The following TOM1 variants were observed in gnomAD, a reference collection of about 807,000 sequenced individuals.
The protein encoded by TOM1 is target of myb1 membrane trafficking protein.
Under a neutral mutation model 61.3 loss-of-function variants are expected in TOM1, and 38 were observed. The ratio of observed to expected loss-of-function variants is 0.62; its 90% CI spans 0.48 to 0.81. TOM1 has a LOEUF of 0.81. TOM1 is among the 40% of genes least tolerant of loss of function. The pLI, the probability that TOM1 is intolerant of heterozygous loss-of-function variation, is 0.00. For synonymous variants in TOM1, 270 were observed against 268.8 expected (o/e 1.00, Z -0.04); for missense variants, 591 against 659.6 (o/e 0.90, Z 1.14).
intron 1 of TOM1, among the ~76,000 whole-genome samples, chr22:35,310,425 C>T (rs1345659756): frequency 1.3e-5 from 2 of 152,146 alleles, no homozygotes; most frequent in African/African-American, 2.4e-5. Flanking sequence ...TGGTGGCACA[C>T]GCCTGTAGTC....
intron 7 of TOM1, among the ~76,000 whole-genome samples, chr22:35,328,402 T>C (rs1183502483): frequency 6.6e-6 from 1 of 152,250 alleles, no homozygotes; most frequent in African/African-American, 2.4e-5. Context: ...TCCCGGGCTA[T>C]ATGTGGACAC....
chr22:35,307,932 G>A (rs192303036), intron 1 of TOM1, among the ~76,000 whole-genome samples: 36 of 152,324 alleles, frequency 2.4e-4, no homozygotes, highest in African/African-American at 8.2e-4. Context: ...TTCTGTGAAC[G>A]TATGCCTTAG....
chr22:35,338,876 CA>C, intron 12 of TOM1, 88 bp downstream of exon 12: 5 of 1,259,488 alleles, frequency 4.0e-6, no homozygotes, highest in Non-Finnish European at 5.3e-6. Context: ...GTGGGCCAAG[CA>C]CTGGCCCAGC....
intron 1 of TOM1, among the ~76,000 whole-genome samples, chr22:35,307,623 T>TGCC (rs1926438294): frequency 6.6e-6 from 1 of 152,076 alleles, no homozygotes; most frequent in Non-Finnish European, 1.5e-5. Context: ...AGAACCACTG[T>TGCC]GCAAGCCCTG....
At chr22:35,333,127 C>G in intron 9 of TOM1, 113 bp downstream of exon 9, 1 of 1,209,008 alleles carries the variant, frequency 8.3e-7, no homozygotes, top group East Asian at 2.3e-5. Flanking sequence ...CTTATCCAGG[C>G]CCATAGAGAA....
intron 2 of TOM1, 87 bp downstream of exon 2, chr22:35,318,048 C>G (rs1927461916): frequency 4.1e-6 from 5 of 1,229,450 alleles, no homozygotes; most frequent in Non-Finnish European, 6.0e-6. Context: ...GAGCCCCTGC[C>G]CCAGCCCCAT....
intron 1 of TOM1, among the ~76,000 whole-genome samples, chr22:35,309,622 C>G (rs1028449291): frequency 1.1e-4 from 15 of 130,682 alleles, no homozygotes; most frequent in African/African-American, 3.6e-4. Flanking sequence ...CCAGCCTGGG[C>G]AACAGAGTGA....
At chr22:35,336,396 A>G (rs1375502044) in intron 11 of TOM1, among the ~76,000 whole-genome samples, 1 of 151,896 alleles carries the variant, frequency 6.6e-6, no homozygotes, top group African/African-American at 2.4e-5. Context: ...TCCCCACTTC[A>G]CACCAGCCTG....
chr22:35,343,875 ACACT>A (rs1425573674), intron 12 of TOM1, among the ~76,000 whole-genome samples: 1 of 134,356 alleles, frequency 7.4e-6, no homozygotes, highest in Non-Finnish European at 1.6e-5. Flanking sequence ...CCACCCCTAC[ACACT>A]CATACACCTA....
chr22:35,330,385 C>G lies in TOM1; in HGVS notation c.804C>G (p.Val268=), dbSNP rs1402374941. Residue 268 remains valine, a synonymous_variant, in exon 8 of 15, where the codon GTC becomes GTG. Coordinates refer to ENST00000449058, the MANE Select transcript of TOM1 (RefSeq NM_005488.3). ...NRTCRAMQQR[V]LELIPQIANE... ...CGTGCCGAGCCATGCAGCAGCGGGT[C>G]CTGGAGCTCATCCCTCAGATCGCCA... The G allele has an allele frequency of 6.2e-7, 1 of 1,613,560 alleles. No homozygotes were observed. Among genetic ancestry groups the G allele is most frequent in the Admixed American group, 1.7e-5 (1 of 59,988 alleles).
intron 13 of TOM1, 22 bp downstream of exon 13, chr22:35,345,806 A>T (rs1467387982): frequency 2.5e-6 from 4 of 1,612,604 alleles, no homozygotes; most frequent in Admixed American, 3.3e-5. Context: ...CCCACTCCTC[A>T]CCCACACAGC....
chr22:35,320,986 G>GAAAAAAAAAAAAA (rs1351623556), intron 2 of TOM1, among the ~76,000 whole-genome samples: 3 of 31,360 alleles, frequency 9.6e-5, no homozygotes, highest in Non-Finnish European at 3.1e-4. Flanking sequence ...TGTCTCAGAA[G>GAAAAAAAAAAAAA]GAAAAAAAAA....
chr22:35,311,304 T>G (rs1425268281), intron 1 of TOM1, among the ~76,000 whole-genome samples: 4 of 152,170 alleles, frequency 2.6e-5, no homozygotes, highest in Admixed American at 6.5e-5. Context: ...ACGAATACTT[T>G]GAGCTGCAGG....
chr22:35,312,170 G>T (rs562771331), intron 1 of TOM1, among the ~76,000 whole-genome samples: 1 of 151,828 alleles, frequency 6.6e-6, no homozygotes, highest in Non-Finnish European at 1.5e-5. Context: ...CTTAAACCCA[G>T]GAGACGGAAG....
chr22:35,306,502 G>A (rs1476315890), intron 1 of TOM1, among the ~76,000 whole-genome samples: 1 of 152,154 alleles, frequency 6.6e-6, no homozygotes, highest in Admixed American at 6.5e-5. Context: ...TATTAGTAGA[G>A]CCCAGGGTGA....
chr22:35,315,877 A>G (rs1023253368), intron 1 of TOM1, among the ~76,000 whole-genome samples: 2 of 152,184 alleles, frequency 1.3e-5, no homozygotes, highest in African/African-American at 4.8e-5. Context: ...AGCAGGGACC[A>G]TGCCCACCGA....
At chr22:35,327,175 C>G in intron 6 of TOM1, 96 bp from the exon 7 acceptor site, 1 of 1,199,714 alleles carries the variant, frequency 8.3e-7, no homozygotes, top group East Asian at 2.3e-5. Flanking sequence ...CTCCCTGGTG[C>G]TGCACCCAGG....
intron 8 of TOM1, chr22:35,331,423 A>T (rs1355557642): frequency 7.1e-6 from 3 of 421,334 alleles, no homozygotes; most frequent in Non-Finnish European, 9.4e-6. Flanking sequence ...CCCACCTTGT[A>T]TCATTCTGTT....
chr22:35,325,203 CT>C (rs1402089974), intron 6 of TOM1, among the ~76,000 whole-genome samples: 1 of 152,244 alleles, frequency 6.6e-6, no homozygotes, highest in Non-Finnish European at 1.5e-5. Flanking sequence ...GCTGAGTGTG[CT>C]GGTGAGTTAG....
Sources: gnomAD v4.1 joint callset for allele counts (sites outside exome capture counted in the v4.1 genomes callset) on GRCh38, gnomAD v4.1.1 for gene constraint, MANE v1.5 for transcripts, NCBI Gene and HGNC (gene_info 2026-07-23, HGNC 2026-07-21) for gene names.